Variants in DCAF8 observed in about 807,000 individuals in gnomAD.
DCAF8 encodes DDB1 and CUL4 associated factor 8, also known as DDB1- and CUL4-associated factor 8.
Under a neutral mutation model 68.0 loss-of-function variants are expected in DCAF8, and 20 were observed. The ratio of observed to expected loss-of-function variants is 0.29; its 90% CI spans 0.21 to 0.43. DCAF8 has a LOEUF of 0.43. DCAF8 is among the 20% of genes least tolerant of loss of function. The pLI is 1.00. For missense variants in DCAF8, 460 were observed against 771.0 expected, an observed-to-expected ratio of 0.60 and a Z score of 4.78; for synonymous variants, 230 against 276.9, an observed-to-expected ratio of 0.83 and a Z score of 1.68.
At chr1:160,235,743 T>A (rs1248184421) in intron 6 of DCAF8, among the ~76,000 whole-genome samples, 1 of 151,690 alleles carries the variant, frequency 6.6e-6, no homozygotes, top group Non-Finnish European at 1.5e-5. Context: ...TACAATGATT[T>A]TTTTTTTTTT....
In DCAF8 at chr1:160,240,320, C is replaced by T. The variant is rs777366581; in HGVS notation, c.100G>A (p.Glu34Lys). 8.7e-6 allele frequency: 14 copies of T among 1,613,542 alleles called. No homozygotes were observed. The highest frequency in any genetic ancestry group is 1.3e-5 in the African/African-American group (1 of 74,876). ...EEMSGAEEGR[E>K]TSSGIEVEAS... ...TCCACTTCAATGCCTGAGGATGTCT[C>T]CCTCCCCTCTTCAGCTCCAGACATC... The change falls in exon 4 of 14, where the codon GAG becomes AAG. Residue 34 changes from glutamate to lysine, a missense_variant. By Grantham distance (56) the Glu-to-Lys change is moderately conservative. Transcript: ENST00000368074.
At chr1:160,261,205 T>G (rs1657075935) in intron 2 of DCAF8, 80 bp downstream of exon 2, 1 of 152,246 alleles carries the variant, frequency 6.6e-6, no homozygotes, top group Non-Finnish European at 1.5e-5. Flanking sequence ...AGGAATTTTA[T>G]GACTTTAGTG....
At chr1:160,236,418 ATATGTGTGTGTG>A (rs1243396019) in intron 6 of DCAF8, among the ~76,000 whole-genome samples, 8 of 151,536 alleles carry the variant, frequency 5.3e-5, no homozygotes, top group Non-Finnish European at 1.0e-4. Context: ...GTGTGTGTAT[ATATGTGTGTGTG>A]TATGTGTGTG....
chr1:160,248,441 CG>C (rs1158985722), intron 2 of DCAF8, among the ~76,000 whole-genome samples: 1 of 152,052 alleles, frequency 6.6e-6, no homozygotes, highest in African/African-American at 2.4e-5. Context: ...TTAAAACTGT[CG>C]CAACAGGCTG....
intron 7 of DCAF8, among the ~76,000 whole-genome samples, chr1:160,228,686 A>C (rs564797024): frequency 6.6e-6 from 1 of 151,768 alleles, no homozygotes; most frequent in East Asian, 1.9e-4. Flanking sequence ...AATAACCCTA[A>C]ACTAAAATTC....
intron 2 of DCAF8, among the ~76,000 whole-genome samples, chr1:160,249,236 A>G (rs562849380): frequency 3.3e-5 from 5 of 152,208 alleles, no homozygotes; most frequent in African/African-American, 9.7e-5. Flanking sequence ...CCTTGAAAAG[A>G]TCCTCAACAT....
chr1:160,225,735 G>A, intron 7 of DCAF8, 72 bp from the exon 8 acceptor site: 1 of 1,285,104 alleles, frequency 7.8e-7, no homozygotes, highest in Non-Finnish European at 1.1e-6. Context: ...ATTTGATGTA[G>A]TGGCAGGAAA....
chr1:160,258,498 T>C (rs1656928302), intron 2 of DCAF8, among the ~76,000 whole-genome samples: 1 of 151,732 alleles, frequency 6.6e-6, no homozygotes, highest in African/African-American at 2.4e-5. Context: ...AATATAAAAA[T>C]ATCTTCAAGC....
chr1:160,222,041 G>A (rs1655318775), intron 11 of DCAF8, among the ~76,000 whole-genome samples: 2 of 152,076 alleles, frequency 1.3e-5, no homozygotes, highest in African/African-American at 4.8e-5. Context: ...CTCCTTATAT[G>A]TACACATGTA....
chr1:160,260,706 G>A (rs1056102179), intron 2 of DCAF8, among the ~76,000 whole-genome samples: 6 of 150,624 alleles, frequency 4.0e-5, no homozygotes, highest in Non-Finnish European at 5.9e-5. Flanking sequence ...AAAAGAAAGA[G>A]CAGCCACTAT....
At chr1:160,225,961 A>G (rs371966928) in intron 7 of DCAF8, among the ~76,000 whole-genome samples, 6 of 152,152 alleles carry the variant, frequency 3.9e-5, no homozygotes, top group South Asian at 4.1e-4. Flanking sequence ...CTCTTGCCTC[A>G]GCCTCCTAAA....
chr1:160,257,513 A>G (rs1571117373), intron 2 of DCAF8, among the ~76,000 whole-genome samples: 1 of 152,344 alleles, frequency 6.6e-6, no homozygotes, highest in East Asian at 1.9e-4. Flanking sequence ...AGAATACAAG[A>G]CTTAGAGCAC....
At chr1:160,230,803 GT>G (rs937707161) in intron 7 of DCAF8, among the ~76,000 whole-genome samples, 2 of 152,170 alleles carry the variant, frequency 1.3e-5, no homozygotes, top group Non-Finnish European at 2.9e-5. Flanking sequence ...TCAGGCTGGA[GT>G]GCAGTGGCAC....
intron 2 of DCAF8, among the ~76,000 whole-genome samples, chr1:160,248,215 G>A (rs1249139969): frequency 1.3e-5 from 2 of 151,976 alleles, no homozygotes; most frequent in African/African-American, 4.8e-5. Context: ...GCTGAGACAA[G>A]AGAATCGCTG....
Position 160,224,530 on chromosome 1 carries a change from A to G in DCAF8, c.1221T>C (p.Asn407=), listed in dbSNP as rs1470861071. 1 of 1,613,842 alleles carries G rather than the reference A, an allele frequency of 6.2e-7. No individual in the cohort carries two copies. The highest frequency in any genetic ancestry group is 1.3e-5 in the African/African-American group (1 of 74,900). Residue 407 remains asparagine (N), a synonymous_variant, in exon 10 of 14, where the codon AAT becomes AAC. Transcript: ENST00000368074. The stretch of plus-strand genomic sequence containing the variant: ...AGTTGAAGAGGTAAATGTCTTCATC[A>G]TTGTAACTGGCCAGGAGCTCTGCCA... ...HDGTELLASY[N]DEDIYLFNSS... is the part of the protein sequence containing the mutation.
rs1656492080 is a variant in DCAF8 at position 160,249,496 on chromosome 1, G to T, written c.-26-5462C>A. ...CATACAACTCAGGAATCCCACTTCA[G>T]CTTCAGGAATTTATACAAGAAAAAA... On this transcript the variant is annotated intron_variant, in intron 2 of 13. Coordinates refer to ENST00000368074, the MANE Select transcript of DCAF8 (RefSeq NM_015726.4). Among the ~76,000 whole-genome samples the T allele has an allele frequency of 2.6e-5, 4 of 152,038 alleles. 1 individual carries two copies.
chr1:160,217,675 C>T lies in DCAF8; in HGVS notation c.1711G>A (p.Ala571Thr), dbSNP rs61741888. ...GAGCTGGGAGACTCATCAGAGTCCGCGTCTGTGGCCCCAACCCCAGGTTCT... is the reference window on the plus strand; with the variant it reads ...GAGCTGGGAGACTCATCAGAGTCCGTGTCTGTGGCCCCAACCCCAGGTTCT... ...WREPGVGATD[A>T]DSDESPSSSD... Residue 571 changes from alanine to threonine, a missense_variant, in exon 14 of 14, where the codon GCG (alanine) becomes ACG (threonine). Ala to Thr is a moderately conservative substitution (Grantham distance 58, BLOSUM62 0). Around this residue, in one of 8 missense-constraint regions of DCAF8, gnomAD observed 80 missense variants for 115.1 expected, o/e 0.70. Coordinates refer to ENST00000368074, the MANE Select transcript of DCAF8 (RefSeq NM_015726.4). The T allele has an allele frequency of 5.6e-6, 9 of 1,613,986 alleles. No homozygotes were observed. Among genetic ancestry groups the T allele is most frequent in the Non-Finnish European group, 6.8e-6 (8 of 1,180,014 alleles).
intron 2 of DCAF8, among the ~76,000 whole-genome samples, chr1:160,259,955 C>CA (rs1486261069): frequency 6.6e-6 from 1 of 152,034 alleles, no homozygotes; most frequent in Non-Finnish European, 1.5e-5. Flanking sequence ...TGGGCACTTA[C>CA]AAAGGACACG....
intron 10 of DCAF8, 152 bp downstream of exon 10, chr1:160,224,290 A>G (rs1655396642): frequency 1.7e-6 from 1 of 597,828 alleles, no homozygotes; most frequent in Non-Finnish European, 3.0e-6. Context: ...CATAGCGGAG[A>G]AAACATGAAA....
Sources: gnomAD v4.1 joint callset for allele counts (sites outside exome capture counted in the v4.1 genomes callset) on GRCh38, gnomAD v4.1.1 for gene constraint, gnomAD v4.1.1 regional missense constraint, MANE v1.5 for transcripts, NCBI Gene and HGNC (gene_info 2026-07-23, HGNC 2026-07-21) for gene names.